R3HDM1: variants seen among roughly 807,000 people sequenced by gnomAD.
The protein encoded by R3HDM1 is R3H domain-containing protein 1.
A neutral mutation model predicts 141.1 loss-of-function variants in R3HDM1; 46 were observed. The ratio of observed to expected loss-of-function variants is 0.33; its 90% confidence interval spans 0.26 to 0.42. R3HDM1 has a LOEUF of 0.42. Among genes scored for constraint, R3HDM1 ranks in the 10% least tolerant of loss-of-function variants. The probability of loss-of-function intolerance (pLI) is 1.00; values close to 1 mark genes in which losing one functional copy is unlikely to be tolerated. For synonymous variants in R3HDM1, 435 were observed against 472.9 expected, an observed-to-expected ratio of 0.92 and a Z score of 1.04; for missense variants, 1,184 against 1,368.3, an observed-to-expected ratio of 0.87 and a Z score of 2.12.
chr2:135,551,665 T>C (rs1203988420), intron 1 of R3HDM1, among the ~76,000 whole-genome samples: 1 of 152,236 alleles, frequency 6.6e-6, no homozygotes, highest in African/African-American at 2.4e-5. Flanking sequence ...TTTATAGTTT[T>C]GTCGTTTTAC....
intron 1 of R3HDM1, chr2:135,536,836 C>A: frequency 6.2e-6 from 3 of 485,508 alleles, no homozygotes; most frequent in Non-Finnish European, 8.0e-6. Context: ...GTCAGATCAG[C>A]GGTGGCATTA....
intron 7 of R3HDM1, among the ~76,000 whole-genome samples, chr2:135,626,031 T>C (rs1333379142): frequency 6.6e-6 from 1 of 152,196 alleles, no homozygotes; most frequent in Non-Finnish European, 1.5e-5. Flanking sequence ...AGTCAGAAGT[T>C]CCAGAGGCCT....
chr2:135,548,383 C>T (rs977380147), intron 1 of R3HDM1, among the ~76,000 whole-genome samples: 1 of 152,174 alleles, frequency 6.6e-6, no homozygotes, highest in African/African-American at 2.4e-5. Flanking sequence ...CTTGGACATG[C>T]ATATGATTAA....
Position 135,704,729 on chromosome 2 carries a change from G to T in R3HDM1, c.2460-4704G>T, listed in dbSNP as rs546351893. 4.7e-4 allele frequency among the ~76,000 whole-genome samples: 72 copies of T among 152,174 alleles called. 1 individual carries two copies. The highest frequency in any genetic ancestry group is 3.4e-3 in the Middle Eastern group (1 of 294). On this transcript the variant is annotated intron_variant, in intron 21 of 26. Coordinates refer to ENST00000683871, the MANE Select transcript of R3HDM1 (RefSeq NM_001378107.1). ...CCTCCCCGGCCTCCCCAGATGCTAG[G>T]ATTACAGGCATGAGCCACCACACCC...
At chr2:135,590,021 G>A (rs972355467) in intron 1 of R3HDM1, among the ~76,000 whole-genome samples, 8 of 152,240 alleles carry the variant, frequency 5.3e-5, no homozygotes, top group South Asian at 4.1e-4. Flanking sequence ...GTAAGCACAT[G>A]TGATTGCTGC....
At chr2:135,708,336 A>G (rs2075195845) in intron 21 of R3HDM1, among the ~76,000 whole-genome samples, 1 of 152,118 alleles carries the variant, frequency 6.6e-6, no homozygotes, top group Non-Finnish European at 1.5e-5. Context: ...AGAGTTTCCC[A>G]TATTCTGGAT....
At chr2:135,612,385 AT>A (rs1405960451) in intron 3 of R3HDM1, among the ~76,000 whole-genome samples, 1 of 152,178 alleles carries the variant, frequency 6.6e-6, no homozygotes, top group African/African-American at 2.4e-5. Flanking sequence ...CAAAGAGAAA[AT>A]TATTCCTATT....
At chr2:135,611,380 G>T (rs2060536552) in intron 3 of R3HDM1, among the ~76,000 whole-genome samples, 1 of 152,130 alleles carries the variant, frequency 6.6e-6, no homozygotes, top group South Asian at 2.1e-4. Flanking sequence ...CAGCCTGAGT[G>T]ACAGAGTCAG....
chr2:135,674,075 A>G (rs967057062), intron 19 of R3HDM1, among the ~76,000 whole-genome samples: 38 of 151,970 alleles, frequency 2.5e-4, no homozygotes, highest in African/African-American at 7.3e-4. Flanking sequence ...CCTGGCCAAG[A>G]TTTTTAGTTT....
At chr2:135,637,957 G>C (rs115593345) in intron 11 of R3HDM1, among the ~76,000 whole-genome samples, 1 of 152,162 alleles carries the variant, frequency 6.6e-6, no homozygotes, top group African/African-American at 2.4e-5. Context: ...CAATACATAA[G>C]TGAATGGTCA....
At chr2:135,690,822 A>G (rs186397059) in intron 21 of R3HDM1, among the ~76,000 whole-genome samples, 3 of 152,234 alleles carry the variant, frequency 2.0e-5, no homozygotes, top group Non-Finnish European at 1.5e-5. Context: ...ATGTTAAAGG[A>G]GAAGGGAAGA....
chr2:135,623,022 A>T (rs953984253), intron 7 of R3HDM1: 1 of 981,336 alleles, frequency 1.0e-6, no homozygotes, highest in African/African-American at 1.8e-5. Flanking sequence ...TCATGAGAAA[A>T]AAGAAAAATA....
chr2:135,544,972 A>AG (rs1271174945), intron 1 of R3HDM1, among the ~76,000 whole-genome samples: 2 of 152,194 alleles, frequency 1.3e-5, no homozygotes, highest in Admixed American at 6.5e-5. Flanking sequence ...CTAAAAAAAA[A>AG]GAGCATAGTG....
chr2:135,655,495 G>A (rs935401014), intron 18 of R3HDM1, among the ~76,000 whole-genome samples: 3 of 146,050 alleles, frequency 2.1e-5, no homozygotes, highest in Non-Finnish European at 4.4e-5. Flanking sequence ...TTTTGTTTTT[G>A]TTGTTGTTGT....
chr2:135,566,210 T>A (rs1313428773), intron 1 of R3HDM1, among the ~76,000 whole-genome samples: 1 of 152,204 alleles, frequency 6.6e-6, no homozygotes, highest in Non-Finnish European at 1.5e-5. Flanking sequence ...CTGAACAACT[T>A]CTACCTGCCC....
chr2:135,659,376 G>A (rs1181356864), intron 18 of R3HDM1, among the ~76,000 whole-genome samples: 1 of 151,934 alleles, frequency 6.6e-6, no homozygotes, highest in South Asian at 2.1e-4. Context: ...AGGATCACAG[G>A]TGTGAGCCCC....
chr2:135,620,530 T>C (rs1032812262), intron 5 of R3HDM1: 2 of 984,522 alleles, frequency 2.0e-6, no homozygotes, highest in Non-Finnish European at 2.4e-6. Flanking sequence ...TTAACTGGTA[T>C]GATGAATTAA....
rs2064900223 is a variant in R3HDM1 at position 135,649,504 on chromosome 2, G to A, written c.1624-398G>A. On this transcript the variant is annotated intron_variant, in intron 16 of 26. Coordinates refer to ENST00000683871, the MANE Select transcript of R3HDM1 (RefSeq NM_001378107.1). The stretch of plus-strand genomic sequence containing the variant: ...TGAAGTTTTTCATTTATAATTTAGT[G>A]TTATACTGCAAAATAGGGCAACCCT... 3.3e-5 allele frequency among the ~76,000 whole-genome samples: 5 copies of A among 152,186 alleles called. No homozygotes were observed. The South Asian group carries it at 1.0e-3, about 32-fold the overall frequency.
intron 1 of R3HDM1, among the ~76,000 whole-genome samples, chr2:135,555,407 A>G (rs1700563324): frequency 6.6e-6 from 1 of 152,148 alleles, no homozygotes; most frequent in African/African-American, 2.4e-5. Context: ...GATAATAACA[A>G]CAGTTGAAAA....
Sources: gnomAD v4.1 joint callset for allele counts (sites outside exome capture counted in the v4.1 genomes callset) on GRCh38, gnomAD v4.1.1 for gene constraint, MANE v1.5 for transcripts, NCBI Gene and HGNC (gene_info 2026-07-23, HGNC 2026-07-21) for gene names.